The following GABRB1 variants were observed in gnomAD, a reference collection of about 807,000 sequenced individuals.
GABRB1 encodes the protein gamma-aminobutyric acid receptor subunit beta-1.
A neutral mutation model predicts 51.6 loss-of-function variants in GABRB1; 17 were observed. The observed-to-expected ratio is 0.33, with a 90% CI of 0.23 to 0.49. The LOEUF is 0.49. Ranked by LOEUF, GABRB1 falls within the 20% of genes least tolerant of loss-of-function variation. GABRB1 has a pLI of 0.99. For synonymous variants in GABRB1, 247 were observed against 218.9 expected, an observed-to-expected ratio of 1.13 and a Z score of -1.14; for missense variants, 410 against 600.6, an observed-to-expected ratio of 0.68 and a Z score of 3.32.
At chr4:47,275,348 T>C (rs1723035169) in intron 4 of GABRB1, among the ~76,000 whole-genome samples, 1 of 152,098 alleles carries the variant, frequency 6.6e-6, no homozygotes, top group Non-Finnish European at 1.5e-5. Context: ...CAGTCTCTAG[T>C]AGAGGCTAAG....
intron 8 of GABRB1, among the ~76,000 whole-genome samples, chr4:47,418,593 T>C (rs1729002475): frequency 1.3e-5 from 2 of 152,320 alleles, no homozygotes; most frequent in South Asian, 2.1e-4. Context: ...GCCGACCAAG[T>C]TGACAAACAA....
chr4:47,232,479 T>C (rs1721175627), intron 4 of GABRB1, among the ~76,000 whole-genome samples: 1 of 152,184 alleles, frequency 6.6e-6, no homozygotes, highest in Non-Finnish European at 1.5e-5. Flanking sequence ...TCTTATTTGG[T>C]TCATCCATGA....
intron 5 of GABRB1, among the ~76,000 whole-genome samples, chr4:47,371,700 T>C (rs114574551): frequency 0.023 from 3,540 of 152,308 alleles, 47 homozygotes; most frequent in Middle Eastern, 0.065. Context: ...GATGTTGAGC[T>C]TTTTTTCATT....
At chr4:47,288,351 C>T (rs1723594200) in intron 4 of GABRB1, among the ~76,000 whole-genome samples, 1 of 152,006 alleles carries the variant, frequency 6.6e-6, no homozygotes, top group South Asian at 2.1e-4. Flanking sequence ...CAACCTCTGC[C>T]TCCTGGGTTC....
At chr4:47,036,565 C>T (rs1204950037) in intron 3 of GABRB1, among the ~76,000 whole-genome samples, 1 of 152,166 alleles carries the variant, frequency 6.6e-6, no homozygotes, top group Non-Finnish European at 1.5e-5. Flanking sequence ...TAAGTTCTAG[C>T]TTAATTAAGA....
intron 5 of GABRB1, among the ~76,000 whole-genome samples, chr4:47,374,731 A>T (rs1446256996): frequency 6.6e-6 from 1 of 152,240 alleles, no homozygotes; most frequent in Non-Finnish European, 1.5e-5. Context: ...TTCCAGTTGG[A>T]GTAAATAGCA....
At chr4:47,295,619 A>C (rs1723952077) in intron 4 of GABRB1, among the ~76,000 whole-genome samples, 1 of 152,232 alleles carries the variant, frequency 6.6e-6, no homozygotes. Flanking sequence ...GAAAAGACCA[A>C]ATCTACGTCT....
In GABRB1 at chr4:47,239,871, C is replaced by A. The variant is rs114174450; in HGVS notation, c.461+78402C>A. ...CATGGCTGACAATCACCCTATCCGG[C>A]CTTTCTCACTGCTGCCACGGGGCTC... is the stretch of plus-strand genomic sequence containing the variant. On this transcript the variant is annotated intron_variant, in intron 4 of 8. Transcript: ENST00000295454. Among the ~76,000 whole-genome samples the A allele has an allele frequency of 2.7e-3, 416 of 152,252 alleles. 1 individual carries two copies. The highest frequency in any genetic ancestry group is 9.5e-3 in the African/African-American group (394 of 41,536).
chr4:47,252,313 G>A (rs1722024190), intron 4 of GABRB1, among the ~76,000 whole-genome samples: 1 of 152,024 alleles, frequency 6.6e-6, no homozygotes, highest in Non-Finnish European at 1.5e-5. Flanking sequence ...TGTTTGTTCA[G>A]GAGAGGAGGC....
chr4:47,038,011 T>G (rs1209022836), intron 3 of GABRB1, among the ~76,000 whole-genome samples: 1 of 152,192 alleles, frequency 6.6e-6, no homozygotes, highest in Non-Finnish European at 1.5e-5. Context: ...GTTTCTCCTT[T>G]GTAAAATGAA....
chr4:47,248,980 G>C (rs1474762599), intron 4 of GABRB1, among the ~76,000 whole-genome samples: 1 of 151,580 alleles, frequency 6.6e-6, no homozygotes, highest in African/African-American at 2.4e-5. Context: ...TTCATCTTTT[G>C]TATTTTGTTT....
intron 4 of GABRB1, among the ~76,000 whole-genome samples, chr4:47,169,780 G>A (rs1045246518): frequency 6.6e-6 from 1 of 152,114 alleles, no homozygotes; most frequent in African/African-American, 2.4e-5. Context: ...GGGATTACAG[G>A]CATGAGCCAC....
At chr4:47,340,405 A>T (rs1018085314) in intron 5 of GABRB1, among the ~76,000 whole-genome samples, 5 of 152,096 alleles carry the variant, frequency 3.3e-5, no homozygotes, top group African/African-American at 1.2e-4. Flanking sequence ...GTGCTGTCTT[A>T]GTCCATTTGC....
chr4:47,230,342 G>C (rs568092830), intron 4 of GABRB1, among the ~76,000 whole-genome samples: 1 of 152,204 alleles, frequency 6.6e-6, no homozygotes, highest in Admixed American at 6.5e-5. Context: ...AACCAGAGCT[G>C]AGATTACAAG....
chr4:47,282,406 T>G (rs1354333726), intron 4 of GABRB1, among the ~76,000 whole-genome samples: 3 of 152,166 alleles, frequency 2.0e-5, no homozygotes, highest in Non-Finnish European at 4.4e-5. Context: ...TGCTAGCACA[T>G]ATATACTTTT....
chr4:47,156,742 G>T (rs1379647347), intron 3 of GABRB1, among the ~76,000 whole-genome samples: 1 of 151,850 alleles, frequency 6.6e-6, no homozygotes, highest in Non-Finnish European at 1.5e-5. Flanking sequence ...ACCGAGGGGG[G>T]GCAGATCACC....
chr4:47,186,918 G>A (rs1269953973), intron 4 of GABRB1, among the ~76,000 whole-genome samples: 1 of 151,832 alleles, frequency 6.6e-6, no homozygotes, highest in Admixed American at 6.6e-5. Flanking sequence ...AAAACAGTTT[G>A]CATTAATTAT....
At chr4:47,390,619 A>G (rs926951462) in intron 5 of GABRB1, among the ~76,000 whole-genome samples, 2 of 152,216 alleles carry the variant, frequency 1.3e-5, no homozygotes, top group African/African-American at 4.8e-5. Context: ...AAATTTCAAG[A>G]GTTCCTGTAT....
chr4:47,310,960 C>G (rs527377899), intron 4 of GABRB1, among the ~76,000 whole-genome samples: 1 of 140,034 alleles, frequency 7.1e-6, no homozygotes, highest in African/African-American at 2.7e-5. Context: ...GACCAGGAGG[C>G]TGAGGCAGGA....
Sources: allele counts gnomAD v4.1 joint callset (sites outside exome capture counted in the v4.1 genomes callset), GRCh38; gene constraint gnomAD v4.1.1; transcripts MANE v1.5; gene names NCBI Gene and HGNC (gene_info 2026-07-23, HGNC 2026-07-21).